PLEKHG5: variants seen among roughly 807,000 people sequenced by gnomAD.
The protein encoded by PLEKHG5 is pleckstrin homology and RhoGEF domain containing G5.
In PLEKHG5, 52 loss-of-function variants were observed where a neutral mutation model predicts 103.8. The ratio of observed to expected loss-of-function variants is 0.50; its 90% confidence interval spans 0.40 to 0.63. The LOEUF is 0.63. Among genes scored for constraint, PLEKHG5 ranks in the 30% least tolerant of loss-of-function variants. The pLI is 0.00. For missense variants in PLEKHG5, 1,205 were observed against 1,347.6 expected (o/e 0.89, Z 1.66); for synonymous variants, 592 against 575.5 (o/e 1.03, Z -0.41).
chr1:6,500,256 G>T (rs1645280463), upstream of PLEKHG5, among the ~76,000 whole-genome samples: 1 of 152,134 alleles, frequency 6.6e-6, no homozygotes, highest in Non-Finnish European at 1.5e-5. Flanking sequence ...GTCCAAATAG[G>T]TACGATGCCC....
chr1:6,492,250 C>T (rs1204561802), upstream of PLEKHG5, among the ~76,000 whole-genome samples: 1 of 152,128 alleles, frequency 6.6e-6, no homozygotes, highest in Non-Finnish European at 1.5e-5. Flanking sequence ...TGATAAACAC[C>T]CTCACATGTG....
Position 6,469,236 on chromosome 1 carries a change from C to G in PLEKHG5, c.2055G>C (p.Gln685His), listed in dbSNP as rs748396159. Reference protein sequence around the residue: ...WVDTIYNAQNQLQQLRAQEPP... With the variant: ...WVDTIYNAQNHLQQLRAQEPP... ...GCTCCTGTGCACGCAGCTGTTGCAG[C>G]TGGTTCTGCAGGCAAGGTTGGGGTA... The change falls in exon 19 of 21, where the codon CAG becomes CAC. Residue 685 changes from glutamine (Q) to histidine (H), a missense_variant. Physicochemically the swap from Gln to His is conservative, Grantham distance 24 (BLOSUM62 0). Coordinates refer to ENST00000377728, the MANE Select transcript of PLEKHG5 (RefSeq NM_020631.6). The G allele has an allele frequency of 3.1e-6, 5 of 1,613,828 alleles. No homozygotes were observed. In the South Asian group the frequency reaches 5.5e-5, roughly 18 times the overall value.
At chr1:6,492,129 C>T (rs1286089445), upstream of PLEKHG5, among the ~76,000 whole-genome samples, 1 of 152,206 alleles carries the variant, frequency 6.6e-6, no homozygotes, top group Non-Finnish European at 1.5e-5. Flanking sequence ...GTAGGCCCCA[C>T]CGCAGCGGGG....
In PLEKHG5 at chr1:6,469,235, G is replaced by A. The variant is rs1569842648; in HGVS notation, c.2056C>T (p.Leu686=). The change falls in exon 19 of 21, where the codon CTG becomes TTG. Residue 686 remains leucine (L), a synonymous_variant. Coordinates refer to ENST00000377728, the MANE Select transcript of PLEKHG5 (RefSeq NM_020631.6). Reference sequence around the variant, plus strand: ...GGCTCCTGTGCACGCAGCTGTTGCAGCTGGTTCTGCAGGCAAGGTTGGGGT... The same window carrying A: ...GGCTCCTGTGCACGCAGCTGTTGCAACTGGTTCTGCAGGCAAGGTTGGGGT... ...VDTIYNAQNQ[L]QQLRAQEPPG... 6.2e-7 allele frequency: 1 copy of A among 1,613,956 alleles called. No individual in the cohort carries two copies. Among genetic ancestry groups the A allele is most frequent in the Non-Finnish European group, 8.5e-7 (1 of 1,180,018 alleles).
chr1:6,470,463 T>G, intron 15 of PLEKHG5, 43 bp downstream of exon 15: 1 of 1,611,052 alleles, frequency 6.2e-7, no homozygotes. Flanking sequence ...AGCTGGGCCT[T>G]CCTCTCTCCC....
Position 6,505,244 on chromosome 1 carries a change from C to A in PLEKHG5, c.-164-8675G>T, listed in dbSNP as rs1349017027. ...AGAGCTAGGTCCCCAGCCCACAGTG[C>A]CGGTCAGCCCACTGTGCCGACCAGC... is the stretch of plus-strand genomic sequence containing the variant. On this transcript the variant is annotated intron_variant, in intron 1 of 21. Coordinates refer to the PLEKHG5 transcript ENST00000377740. The surrounding 1 kb of genome is among the most constrained non-coding windows in gnomAD (Gnocchi z 4.2). Among the ~76,000 whole-genome samples the A allele has an allele frequency of 6.6e-6, 1 of 152,144 alleles. No individual in the cohort carries two copies. Among genetic ancestry groups the A allele is most frequent in the East Asian group, 1.9e-4 (1 of 5,182 alleles).
intron 1 of PLEKHG5, chr1:6,485,335 C>A: frequency 7.0e-7 from 1 of 1,427,586 alleles, no homozygotes; most frequent in South Asian, 1.4e-5. Context: ...TGGCTATCAC[C>A]GTCGCGGGCA....
chr1:6,470,430 G>T, intron 15 of PLEKHG5, 75 bp from the exon 16 acceptor site: 1 of 1,612,000 alleles, frequency 6.2e-7, no homozygotes. Flanking sequence ...TCAGTGAGAT[G>T]CCCAGCACAG....
chr1:6,519,307 T>G, intron 1 of PLEKHG5: 1 of 745,450 alleles, frequency 1.3e-6, no homozygotes. Context: ...GGATCCAGCC[T>G]GCAAGTGGCT....
chr1:6,501,964 T>A lies in PLEKHG5; in HGVS notation c.-164-5395A>T, dbSNP rs1252928060. Among the ~76,000 whole-genome samples, 1 of 152,146 alleles carries A rather than the reference T, an allele frequency of 6.6e-6. No individual in the cohort carries two copies. The highest frequency in any genetic ancestry group is 2.4e-5 in the African/African-American group (1 of 41,428). On this transcript the variant is annotated intron_variant, in intron 1 of 21. Transcript: ENST00000377740. The surrounding 1 kb of genome is among the most constrained non-coding windows in gnomAD (Gnocchi z 4.3). Reference sequence around the variant, plus strand: ...AAACAGGCCCTCCCTGCCCACGACCTCCCAACCACAGGCCTGGCCATGCAA... The same window carrying A: ...AAACAGGCCCTCCCTGCCCACGACCACCCAACCACAGGCCTGGCCATGCAA...
At chr1:6,496,499 C>T (rs748833521), upstream of PLEKHG5, 12 of 1,603,448 alleles carry the variant, frequency 7.5e-6, no homozygotes, top group African/African-American at 6.7e-5. Flanking sequence ...CTACCTTGGC[C>T]GCCCGCCCCT....
chr1:6,508,658 G>A (rs1374972515), intron 1 of PLEKHG5, among the ~76,000 whole-genome samples: 2 of 152,252 alleles, frequency 1.3e-5, no homozygotes, highest in South Asian at 4.1e-4. Context: ...TGACAAACAC[G>A]GGGGTTGCTC....
intron 1 of PLEKHG5, among the ~76,000 whole-genome samples, chr1:6,519,089 G>C (rs1041270722): frequency 1.3e-5 from 2 of 152,180 alleles, no homozygotes; most frequent in African/African-American, 4.8e-5. Context: ...TGATCCGCCT[G>C]CCTCGGCCTC....
chr1:6,515,457 G>T (rs956937035), intron 1 of PLEKHG5, among the ~76,000 whole-genome samples: 1 of 152,122 alleles, frequency 6.6e-6, no homozygotes, highest in Non-Finnish European at 1.5e-5. Flanking sequence ...AACCCAGGAG[G>T]TGGGGGTTGT....
chr1:6,484,334 G>T (rs1358885809), intron 1 of PLEKHG5, among the ~76,000 whole-genome samples: 5 of 152,144 alleles, frequency 3.3e-5, no homozygotes, highest in Non-Finnish European at 7.4e-5. Flanking sequence ...CCAGGGGCTG[G>T]TGCCCAGGCC....
intron 1 of PLEKHG5, among the ~76,000 whole-genome samples, chr1:6,516,798 GTA>G (rs34796386): frequency 1.4e-5 from 2 of 143,454 alleles, no homozygotes; most frequent in African/African-American, 2.6e-5. Context: ...ATATATATGT[GTA>G]TATATATGTG....
rs146386888 is a variant in PLEKHG5, at chr1:6,479,799, A to C, written c.-87-2141T>G. Among the ~76,000 whole-genome samples the C allele has an allele frequency of 9.9e-5, 15 of 152,116 alleles. No homozygotes were observed. In the East Asian group the frequency reaches 2.7e-3, roughly 28 times the overall value. On this transcript the variant is annotated intron_variant, in intron 1 of 20. Coordinates refer to ENST00000377728, the MANE Select transcript of PLEKHG5 (RefSeq NM_020631.6). ...ACTAACTTTTTTATTTTTAGTAGTGACAGATCTCACTATGTTGCCCAGGCT... is the reference window on the plus strand; with the variant it reads ...ACTAACTTTTTTATTTTTAGTAGTGCCAGATCTCACTATGTTGCCCAGGCT...
At chr1:6,499,206 G>A (rs147120635), upstream of PLEKHG5, among the ~76,000 whole-genome samples, 103 of 152,260 alleles carry the variant, frequency 6.8e-4, no homozygotes, top group South Asian at 8.9e-3. Context: ...TATTCTGAAG[G>A]CTCCGGGCCA....
rs75090887 is a variant in PLEKHG5, at chr1:6,484,640, G to A, written c.-87-6982C>T. 5.5e-3 allele frequency among the ~76,000 whole-genome samples: 842 copies of A among 152,172 alleles called. 10 individuals are homozygous for A. The highest frequency in any genetic ancestry group is 0.02 in the African/African-American group (812 of 41,480). On this transcript the variant is annotated intron_variant, in intron 1 of 20. Coordinates refer to ENST00000377728, the MANE Select transcript of PLEKHG5 (RefSeq NM_020631.6). ...GGCAGGACTCCCCCAGCACTAGGGC[G>A]GAATGGCCCCTTCTTGAAGCCAGAC... is the stretch of plus-strand genomic sequence containing the variant.
Sources: allele counts gnomAD v4.1 joint callset (sites outside exome capture counted in the v4.1 genomes callset), GRCh38; gene constraint gnomAD v4.1.1; non-coding constraint Gnocchi (gnomAD v3.1); transcripts MANE v1.5; gene names NCBI Gene and HGNC (gene_info 2026-07-23, HGNC 2026-07-21).